The following ENTHD1 variants were observed in gnomAD, a reference collection of about 807,000 sequenced individuals.
ENTHD1 encodes ENTH domain-containing protein 1.
A neutral mutation model predicts 39.1 loss-of-function variants in ENTHD1; 23 were observed. That is an observed-to-expected ratio of 0.59 (90% CI 0.42 to 0.83). The LOEUF (loss-of-function observed/expected upper bound fraction) is 0.83. Ranked by LOEUF, ENTHD1 falls within the 40% of genes least tolerant of loss-of-function variation. The probability of loss-of-function intolerance (pLI) is 0.00; values close to 1 mark genes in which losing one functional copy is unlikely to be tolerated. For synonymous variants in ENTHD1, 230 were observed against 258.2 expected (o/e 0.89, Z 1.05); for missense variants, 624 against 705.4 (o/e 0.88, Z 1.31).
intron 5 of ENTHD1, among the ~76,000 whole-genome samples, chr22:39,804,655 A>G (rs1388880060): frequency 6.6e-6 from 1 of 152,110 alleles, no homozygotes; most frequent in Non-Finnish European, 1.5e-5. Context: ...TGGGTGTACA[A>G]AGGTGAAAGG....
chr22:39,743,984 G>T lies in ENTHD1; in HGVS notation c.1519C>A (p.His507Asn). 1 of 1,614,096 alleles carries T rather than the reference G, an allele frequency of 6.2e-7. No individual in the cohort carries two copies. Among genetic ancestry groups the T allele is most frequent in the South Asian group, 1.1e-5 (1 of 91,060 alleles). Residue 507 changes from histidine (H) to asparagine (N), a missense_variant, in exon 7 of 7, where the codon CAC (histidine) becomes AAC (asparagine). His to Asn is a moderately conservative substitution (Grantham distance 68). Coordinates refer to ENST00000325157, the MANE Select transcript of ENTHD1 (RefSeq NM_152512.4). ...NSDSAKKNIS[H>N]ISSSHWGEFS... ...TCCCCCCAGTGACTACTAGAAATGT[G>T]ACTTATATTCTTTTTAGCAGAATCA...
At chr22:39,821,176 T>G in intron 4 of ENTHD1, 63 bp from the exon 5 acceptor site, 3 of 1,575,070 alleles carry the variant, frequency 1.9e-6, no homozygotes, top group Non-Finnish European at 2.6e-6. Flanking sequence ...GATGGACAAT[T>G]TATTGAGCTA....
intron 5 of ENTHD1, among the ~76,000 whole-genome samples, chr22:39,791,446 G>C (rs1446784880): frequency 1.3e-5 from 2 of 151,912 alleles, no homozygotes; most frequent in Non-Finnish European, 2.9e-5. Flanking sequence ...CTAGACTGGA[G>C]TGCAGTGGCA....
intron 1 of ENTHD1, among the ~76,000 whole-genome samples, chr22:39,889,284 C>G (rs1378319290): frequency 6.6e-6 from 1 of 152,212 alleles, no homozygotes; most frequent in Non-Finnish European, 1.5e-5. Flanking sequence ...CAAGGACACA[C>G]AGAGAGGCCC....
At chr22:39,759,389 A>G (rs1020612416) in intron 6 of ENTHD1, among the ~76,000 whole-genome samples, 2 of 152,104 alleles carry the variant, frequency 1.3e-5, no homozygotes, top group African/African-American at 4.8e-5. Context: ...AAGGCATCAA[A>G]TCTATTGCCA....
At chr22:39,893,588 C>G (rs571961967) in intron 1 of ENTHD1, 107 bp downstream of exon 1, 68 of 152,492 alleles carry the variant, frequency 4.5e-4, no homozygotes, top group African/African-American at 1.6e-3. Flanking sequence ...CCCTCCCGCC[C>G]CCACCTGGAC....
chr22:39,807,606 C>G (rs1368660587), intron 5 of ENTHD1, among the ~76,000 whole-genome samples: 1 of 152,194 alleles, frequency 6.6e-6, no homozygotes, highest in African/African-American at 2.4e-5. Flanking sequence ...CTGTTCCTCC[C>G]ACCCCAGCCT....
At chr22:39,844,196 G>C (rs558116912) in intron 3 of ENTHD1, among the ~76,000 whole-genome samples, 70 of 152,180 alleles carry the variant, frequency 4.6e-4, no homozygotes, top group African/African-American at 1.7e-3. Context: ...TTTTTAAGGT[G>C]AAAAGAGAAG....
chr22:39,800,864 A>G (rs978770230), intron 5 of ENTHD1, among the ~76,000 whole-genome samples: 2 of 152,198 alleles, frequency 1.3e-5, no homozygotes, highest in Non-Finnish European at 2.9e-5. Context: ...TGTCTAGTCC[A>G]CCACACTGCT....
chr22:39,766,019 C>CAAAAAAAAAAAAA lies in ENTHD1; in HGVS notation c.833-423_833-411dup, dbSNP rs11367784. On this transcript the variant is annotated intron_variant, in intron 5 of 6. Coordinates refer to ENST00000325157, the MANE Select transcript of ENTHD1 (RefSeq NM_152512.4). Reference sequence around the variant, plus strand: ...TCTATCCTTACAGAACCCTCAGCTACAAAAAAAAAAAAAAAAAAAAAAAAA... The same window carrying CAAAAAAAAAAAAA: ...TCTATCCTTACAGAACCCTCAGCTACAAAAAAAAAAAAAAAAAAAAAAAAAAAAAAAAAAAAAA... 4.0e-3 allele frequency among the ~76,000 whole-genome samples: 194 copies of CAAAAAAAAAAAAA among 48,360 alleles called. 3 individuals are homozygous for CAAAAAAAAAAAAA. Among genetic ancestry groups the CAAAAAAAAAAAAA allele is most frequent in the Non-Finnish European group, 4.7e-3 (127 of 26,930 alleles). The allele number at this position is 48,360 out of a possible 152,430, so 31.7% of individuals were successfully genotyped here.
chr22:39,861,672 T>A (rs2066141353), intron 3 of ENTHD1, 93 bp downstream of exon 3: 1 of 1,055,864 alleles, frequency 9.5e-7, no homozygotes, highest in South Asian at 4.5e-5. Context: ...CTAAATAATA[T>A]TAATAATTTA....
chr22:39,795,888 T>C (rs1382312480), intron 5 of ENTHD1, among the ~76,000 whole-genome samples: 1 of 152,184 alleles, frequency 6.6e-6, no homozygotes, highest in Non-Finnish European at 1.5e-5. Context: ...TCTGGTGATC[T>C]TTTATGGTTC....
chr22:39,877,776 G>A (rs2066303710), intron 2 of ENTHD1, among the ~76,000 whole-genome samples: 1 of 152,150 alleles, frequency 6.6e-6, no homozygotes, highest in Non-Finnish European at 1.5e-5. Flanking sequence ...GTTAACCAAA[G>A]CCTAACCTGA....
At chr22:39,773,945 G>A (rs1467903216) in intron 5 of ENTHD1, among the ~76,000 whole-genome samples, 1 of 152,166 alleles carries the variant, frequency 6.6e-6, no homozygotes, top group Non-Finnish European at 1.5e-5. Flanking sequence ...AACAATTTCA[G>A]CAAAGAAATG....
intron 2 of ENTHD1, among the ~76,000 whole-genome samples, chr22:39,868,350 TA>T (rs535956120): frequency 0.021 from 2,695 of 126,528 alleles, 61 homozygotes; most frequent in African/African-American, 0.059. Context: ...TTTATTTTAT[TA>T]AAAAAAAAAA....
rs536619956 is a variant in ENTHD1, at chr22:39,754,192, T to A, written c.1220-9909A>T. Among the ~76,000 whole-genome samples the A allele has an allele frequency of 2.0e-5, 3 of 152,362 alleles. No individual in the cohort carries two copies. In the East Asian group the frequency reaches 5.8e-4, roughly 29 times the overall value. On this transcript the variant is annotated intron_variant, in intron 6 of 6. Transcript: ENST00000325157. The stretch of plus-strand genomic sequence containing the variant: ...GCACAAAAACAGCAAATTAGCATGG[T>A]TGTATTCTAATAAAACTTTATTTAC...
At chr22:39,875,294 C>T (rs1466594987) in intron 2 of ENTHD1, 6 of 1,211,648 alleles carry the variant, frequency 5.0e-6, no homozygotes, top group African/African-American at 4.8e-5. Context: ...TAAAGAAATT[C>T]GGTCGGTCGC....
chr22:39,777,621 CT>C (rs1220687431), intron 5 of ENTHD1, among the ~76,000 whole-genome samples: 1 of 151,964 alleles, frequency 6.6e-6, no homozygotes, highest in African/African-American at 2.4e-5. Context: ...TGTAAAGGTG[CT>C]TTTTTTCATG....
chr22:39,875,931 T>C, intron 2 of ENTHD1: 7 of 1,613,990 alleles, frequency 4.3e-6, no homozygotes, highest in Non-Finnish European at 5.9e-6. Flanking sequence ...GTTATCCTGA[T>C]AGGTGTTTGC....
Sources: allele counts gnomAD v4.1 joint callset (sites outside exome capture counted in the v4.1 genomes callset), GRCh38; gene constraint gnomAD v4.1.1; transcripts MANE v1.5; gene names NCBI Gene and HGNC (gene_info 2026-07-23, HGNC 2026-07-21).